TP63: variants seen among roughly 807,000 people sequenced by gnomAD.
TP63 encodes the protein tumor protein 63.
Under a neutral mutation model 82.8 loss-of-function variants are expected in TP63, and 17 were observed. The observed-to-expected ratio is 0.21, with a 90% CI of 0.14 to 0.31. The LOEUF (loss-of-function observed/expected upper bound fraction) is 0.31. TP63 is among the 10% of genes least tolerant of loss of function. The pLI is 1.00. For synonymous variants in TP63, 330 were observed against 321.7 expected, an observed-to-expected ratio of 1.03 and a Z score of -0.28; for missense variants, 648 against 895.3, an observed-to-expected ratio of 0.72 and a Z score of 3.52.
chr3:189,746,156 A>G (rs750413199), intron 3 of TP63, among the ~76,000 whole-genome samples: 50 of 152,184 alleles, frequency 3.3e-4, no homozygotes, highest in Non-Finnish European at 5.9e-4. Flanking sequence ...AGCAGCAAAA[A>G]TAAATAAATA....
At chr3:189,630,652 T>C (rs927148244), upstream of TP63, among the ~76,000 whole-genome samples, 6 of 152,130 alleles carry the variant, frequency 3.9e-5, no homozygotes, top group African/African-American at 7.2e-5. Context: ...TTATTTCCAA[T>C]TTTAATATCT....
At chr3:189,762,778 G>A (rs4479568) in intron 3 of TP63, among the ~76,000 whole-genome samples, 100,052 of 151,980 alleles carry the variant, frequency 0.66, 33,340 homozygotes, top group Middle Eastern at 0.72. Flanking sequence ...TAGGAGTGCA[G>A]TGTTTAAAAG....
chr3:189,759,367 C>T (rs1180707291), intron 3 of TP63, among the ~76,000 whole-genome samples: 4 of 152,088 alleles, frequency 2.6e-5, no homozygotes, highest in African/African-American at 7.2e-5. Context: ...GGACAGAACT[C>T]GGGCTTTGGG....
intron 1 of TP63, among the ~76,000 whole-genome samples, chr3:189,636,553 A>G (rs1729794975): frequency 1.3e-5 from 2 of 152,246 alleles, no homozygotes; most frequent in Non-Finnish European, 1.5e-5. Flanking sequence ...AACGAAACCA[A>G]TTTTACCATA....
chr3:189,842,602 T>C (rs780104664), intron 4 of TP63, among the ~76,000 whole-genome samples: 4 of 152,150 alleles, frequency 2.6e-5, no homozygotes, highest in Non-Finnish European at 4.4e-5. Flanking sequence ...GGGGAGCACA[T>C]AGATGTCCAG....
intron 4 of TP63, among the ~76,000 whole-genome samples, chr3:189,834,565 G>T (rs982584136): frequency 5.3e-5 from 8 of 152,104 alleles, no homozygotes; most frequent in Non-Finnish European, 1.2e-4. Context: ...TGTTTATTTT[G>T]TGTACTTGTG....
chr3:189,736,205 ACT>A (rs1720581508), intron 1 of TP63, among the ~76,000 whole-genome samples: 2 of 150,266 alleles, frequency 1.3e-5, no homozygotes, highest in African/African-American at 4.9e-5. Context: ...ATACACACAC[ACT>A]CTTTCTCTGT....
intron 5 of TP63, among the ~76,000 whole-genome samples, chr3:189,866,440 T>C (rs959037297): frequency 1.3e-5 from 2 of 152,330 alleles, no homozygotes; most frequent in African/African-American, 4.8e-5. Context: ...AAACTCCAAA[T>C]TATAGGACTG....
intron 1 of TP63, among the ~76,000 whole-genome samples, chr3:189,648,833 A>G (rs1712641089): frequency 7.2e-6 from 1 of 138,204 alleles, no homozygotes; most frequent in Non-Finnish European, 1.5e-5. Flanking sequence ...CACATATAGT[A>G]TTTGAGCCAT....
intron 1 of TP63, among the ~76,000 whole-genome samples, chr3:189,678,592 T>G (rs1715647016): frequency 6.6e-6 from 1 of 152,110 alleles, no homozygotes; most frequent in Non-Finnish European, 1.5e-5. Context: ...CATATAAATT[T>G]CGGGTTTGTT....
intron 1 of TP63, among the ~76,000 whole-genome samples, chr3:189,712,931 T>C (rs1187105957): frequency 6.6e-6 from 1 of 152,144 alleles, no homozygotes. Context: ...ATTGAAAATA[T>C]CTGAGATGTC....
intron 3 of TP63, among the ~76,000 whole-genome samples, chr3:189,782,975 A>G (rs1364795613): frequency 6.6e-6 from 1 of 152,060 alleles, no homozygotes; most frequent in Admixed American, 6.6e-5. Flanking sequence ...TTGGAAATTA[A>G]TGTATCTATC....
chr3:189,798,247 A>T (rs1040580997), intron 3 of TP63, among the ~76,000 whole-genome samples: 1 of 152,130 alleles, frequency 6.6e-6, no homozygotes, highest in African/African-American at 2.4e-5. Flanking sequence ...GCGAGCCGAC[A>T]TATTATACAA....
At chr3:189,622,009 G>T in the TP63 span, among the ~76,000 whole-genome samples, 1 of 152,188 alleles carries the variant, frequency 6.6e-6, no homozygotes, top group African/African-American at 2.4e-5. Context: ...ACCTACTCAG[G>T]GGTCACCCCG....
At chr3:189,736,668 A>T (rs1244539305) in intron 1 of TP63, among the ~76,000 whole-genome samples, 1 of 152,118 alleles carries the variant, frequency 6.6e-6, no homozygotes, top group East Asian at 1.9e-4. Context: ...TCCTCTATGC[A>T]TGTTTAACTT....
intron 4 of TP63, among the ~76,000 whole-genome samples, chr3:189,836,310 G>A (rs1577067507): frequency 6.6e-6 from 1 of 152,210 alleles, no homozygotes; most frequent in East Asian, 1.9e-4. Flanking sequence ...CCAAAGTGTT[G>A]GAGGTTTACA....
intron 1 of TP63, among the ~76,000 whole-genome samples, chr3:189,676,058 A>G (rs1444185160): frequency 6.6e-6 from 1 of 152,158 alleles, no homozygotes; most frequent in African/African-American, 2.4e-5. Flanking sequence ...ATAGATTTAT[A>G]TTGTATAACA....
the TP63 span, among the ~76,000 whole-genome samples, chr3:189,623,592 G>A: frequency 3.9e-5 from 6 of 152,134 alleles, no homozygotes; most frequent in African/African-American, 9.7e-5. Context: ...TGATCAACTT[G>A]TTACCAATGG....
intron 1 of TP63, among the ~76,000 whole-genome samples, chr3:189,699,632 G>T (rs143074461): frequency 6.6e-6 from 1 of 151,846 alleles, no homozygotes; most frequent in African/African-American, 2.4e-5. Context: ...ATTAACATAG[G>T]TTAATATCTG....
Sources: allele counts gnomAD v4.1 joint callset (sites outside exome capture counted in the v4.1 genomes callset), GRCh38; gene constraint gnomAD v4.1.1; transcripts MANE v1.5; gene names NCBI Gene and HGNC (gene_info 2026-07-23, HGNC 2026-07-21).